The following FOXP2 variants were observed in gnomAD, a reference collection of about 807,000 sequenced individuals.
The protein encoded by FOXP2 is forkhead box protein P2.
Under a neutral mutation model 115.8 loss-of-function variants are expected in FOXP2, and 12 were observed. The ratio of observed to expected loss-of-function variants is 0.10; its 90% CI spans 0.07 to 0.17. The LOEUF (loss-of-function observed/expected upper bound fraction) is 0.17. FOXP2 is among the 10% of genes least tolerant of loss of function. FOXP2 has a pLI of 1.00. For synonymous variants in FOXP2, 328 were observed against 297.7 expected, an observed-to-expected ratio of 1.10 and a Z score of -1.05; for missense variants, 629 against 843.5, an observed-to-expected ratio of 0.75 and a Z score of 3.15.
intron 3 of FOXP2, among the ~76,000 whole-genome samples, chr7:114,613,486 T>A (rs1803743660): frequency 6.6e-6 from 1 of 151,882 alleles, no homozygotes; most frequent in African/African-American, 2.4e-5. Flanking sequence ...CCATCCTGGC[T>A]AACAAAGTGA....
At position 114,433,766 on chromosome 7, in the gene FOXP2, A is replaced by G. The variant is rs1046837188; in HGVS notation, c.168+7087A>G. On this transcript the variant is annotated intron_variant, in intron 2 of 16. Coordinates refer to ENST00000350908, the MANE Select transcript of FOXP2 (RefSeq NM_014491.4). Reference sequence around the variant, plus strand: ...GATCCAAGTCAGTTATTTGACAACTAAAAGCAAATAGATTTCATAGTATTA... The same window carrying G: ...GATCCAAGTCAGTTATTTGACAACTGAAAGCAAATAGATTTCATAGTATTA... Among the ~76,000 whole-genome samples, 8 of 152,114 alleles carry G rather than the reference A, an allele frequency of 5.3e-5. No individual in the cohort carries two copies. In the East Asian group the frequency reaches 9.6e-4, roughly 18 times the overall value.
chr7:114,565,319 A>G (rs1297907721), intron 3 of FOXP2, among the ~76,000 whole-genome samples: 1 of 152,166 alleles, frequency 6.6e-6, no homozygotes, highest in Non-Finnish European at 1.5e-5. Flanking sequence ...TATAGTTTAT[A>G]GCTCATAGTA....
At chr7:114,241,631 G>T (rs1795154561) in intron 1 of FOXP2, among the ~76,000 whole-genome samples, 1 of 151,948 alleles carries the variant, frequency 6.6e-6, no homozygotes, top group African/African-American at 2.4e-5. Flanking sequence ...ATCTAAAAAT[G>T]TGTGAAAATA....
intron 2 of FOXP2, among the ~76,000 whole-genome samples, chr7:114,313,107 C>G (rs1432795312): frequency 6.6e-6 from 1 of 152,156 alleles, no homozygotes; most frequent in African/African-American, 2.4e-5. Flanking sequence ...CAGAAATTCT[C>G]TGAAAATAAG....
intron 9 of FOXP2, chr7:114,653,438 C>T (rs1166048550): frequency 4.9e-6 from 1 of 205,014 alleles, no homozygotes; most frequent in African/African-American, 2.3e-5. Flanking sequence ...GTCTCTGTCA[C>T]TCTATTGAAT....
chr7:114,293,609 G>A (rs542113413), intron 2 of FOXP2, among the ~76,000 whole-genome samples: 19 of 152,304 alleles, frequency 1.2e-4, no homozygotes, highest in East Asian at 9.7e-4. Flanking sequence ...GGGACCAGGT[G>A]GAGATAAGTG....
At chr7:114,281,095 A>ATTTTTT (rs71157578) in intron 1 of FOXP2, among the ~76,000 whole-genome samples, 21 of 92,884 alleles carry the variant, frequency 2.3e-4, no homozygotes, top group African/African-American at 3.1e-4. Context: ...TGCAATTTGA[A>ATTTTTT]TTTTTTTTTT....
At chr7:114,264,259 A>C (rs1282229662) in intron 1 of FOXP2, among the ~76,000 whole-genome samples, 1 of 152,148 alleles carries the variant, frequency 6.6e-6, no homozygotes, top group Non-Finnish European at 1.5e-5. Flanking sequence ...TGATTTTTAA[A>C]TTTCTCAGTT....
chr7:114,650,436 A>T (rs7799269), intron 8 of FOXP2, among the ~76,000 whole-genome samples: 1 of 151,808 alleles, frequency 6.6e-6, no homozygotes, highest in African/African-American at 2.4e-5. Flanking sequence ...GTGAAAAAAA[A>T]AAAAATCTTA....
chr7:114,489,803 G>T (rs951826147), intron 2 of FOXP2, among the ~76,000 whole-genome samples: 3 of 152,044 alleles, frequency 2.0e-5, no homozygotes, highest in African/African-American at 7.2e-5. Flanking sequence ...AAATATGTAG[G>T]TGGCAAGTAA....
chr7:114,483,185 T>C (rs879670039), intron 2 of FOXP2, among the ~76,000 whole-genome samples: 1 of 151,450 alleles, frequency 6.6e-6, no homozygotes, highest in South Asian at 2.1e-4. Flanking sequence ...CTCCACCTCA[T>C]TGAAAAAACA....
upstream of FOXP2, among the ~76,000 whole-genome samples, chr7:114,161,537 GT>G (rs34029607): frequency 7.4e-5 from 11 of 149,044 alleles, no homozygotes; most frequent in Admixed American, 4.7e-4. Flanking sequence ...TCTCACAATA[GT>G]TTTTTTTTTT....
intron 8 of FOXP2, among the ~76,000 whole-genome samples, chr7:114,647,760 A>G (rs748319483): frequency 6.6e-6 from 1 of 152,084 alleles, no homozygotes; most frequent in Admixed American, 6.6e-5. Flanking sequence ...TGCAAAATTA[A>G]TTATCATTCC....
At chr7:114,488,594 T>C (rs528623794) in intron 2 of FOXP2, among the ~76,000 whole-genome samples, 4 of 152,290 alleles carry the variant, frequency 2.6e-5, no homozygotes, top group African/African-American at 9.6e-5. Context: ...TTTGCTGTTT[T>C]TACAACATAT....
chr7:114,396,661 G>T (rs1260442793), intron 2 of FOXP2, among the ~76,000 whole-genome samples: 2 of 151,620 alleles, frequency 1.3e-5, no homozygotes, highest in African/African-American at 4.9e-5. Context: ...GTTACTAGGG[G>T]GTTGAGAGGG....
At chr7:114,424,017 T>C (rs560525145) in intron 1 of FOXP2, among the ~76,000 whole-genome samples, 1 of 151,540 alleles carries the variant, frequency 6.6e-6, no homozygotes, top group African/African-American at 2.4e-5. Flanking sequence ...TCTTAGATGA[T>C]TGAACTTAAA....
chr7:114,335,336 T>C (rs1046681540), intron 2 of FOXP2, among the ~76,000 whole-genome samples: 3 of 151,918 alleles, frequency 2.0e-5, no homozygotes, highest in Non-Finnish European at 4.4e-5. Context: ...AGTGAATTCA[T>C]AGATTTTTCA....
chr7:114,147,324 A>T (rs1792398947), intron 1 of FOXP2, among the ~76,000 whole-genome samples: 2 of 152,260 alleles, frequency 1.3e-5, no homozygotes, highest in Admixed American at 1.3e-4. Context: ...TGTCCCCAGA[A>T]TTTCTCTTCT....
At chr7:114,288,670 G>A (rs573502458) in intron 2 of FOXP2, among the ~76,000 whole-genome samples, 1 of 151,616 alleles carries the variant, frequency 6.6e-6, no homozygotes, top group South Asian at 2.1e-4. Flanking sequence ...TAAATCTCAT[G>A]ATAGTTTTCT....
Sources: allele counts gnomAD v4.1 joint callset (sites outside exome capture counted in the v4.1 genomes callset), GRCh38; gene constraint gnomAD v4.1.1; transcripts MANE v1.5; gene names NCBI Gene and HGNC (gene_info 2026-07-23, HGNC 2026-07-21).